The following CSMD2 variants were observed in gnomAD, a reference collection of about 807,000 sequenced individuals.
The protein encoded by CSMD2 is CUB and Sushi multiple domains 2, also known as CUB and sushi domain-containing protein 2.
A neutral mutation model predicts 398.5 loss-of-function variants in CSMD2; 130 were observed. The observed-to-expected ratio is 0.33, with a 90% CI of 0.28 to 0.38. The LOEUF (loss-of-function observed/expected upper bound fraction) is 0.38, where lower values mean the gene tolerates loss of function less well. CSMD2 is among the 10% of genes least tolerant of loss of function. The pLI is 1.00. For synonymous variants in CSMD2, 1,828 were observed against 1,908.5 expected (o/e 0.96, Z 1.10); for missense variants, 3,829 against 4,764.9 (o/e 0.80, Z 5.78).
chr1:33,779,151 G>A (rs972695716), intron 12 of CSMD2, among the ~76,000 whole-genome samples: 1 of 152,092 alleles, frequency 6.6e-6, no homozygotes, highest in Admixed American at 6.5e-5. Context: ...GAAATCCACA[G>A]ACTAAAATCC....
intron 15 of CSMD2, among the ~76,000 whole-genome samples, chr1:33,734,139 G>A (rs1646808401): frequency 6.6e-6 from 1 of 152,132 alleles, no homozygotes; most frequent in South Asian, 2.1e-4. Context: ...ATTTCTTTGT[G>A]GTCATGAGGA....
intron 13 of CSMD2, among the ~76,000 whole-genome samples, chr1:33,757,305 A>T (rs1302845121): frequency 6.6e-6 from 1 of 151,754 alleles, no homozygotes; most frequent in African/African-American, 2.4e-5. Context: ...CTTAAAGTAT[A>T]ATAATAAAAA....
Position 33,626,044 on chromosome 1 carries a change from G to T in CSMD2, c.5296+442C>A, listed in dbSNP as rs867218461. Reference sequence around the variant, plus strand: ...ACAGGCTCTGAGGCCTGGCGTAGCTGGAGCCTAGCTCGAAGGTGGGGAGGT... The same window carrying T: ...ACAGGCTCTGAGGCCTGGCGTAGCTTGAGCCTAGCTCGAAGGTGGGGAGGT... On this transcript the variant is annotated intron_variant, in intron 33 of 70. Coordinates refer to ENST00000373381, the MANE Select transcript of CSMD2 (RefSeq NM_001281956.2). Among the ~76,000 whole-genome samples, 6 of 152,350 alleles carry T rather than the reference G, an allele frequency of 3.9e-5. 1 individual carries two copies. In the Middle Eastern group the frequency reaches 0.014, roughly 345 times the overall value.
chr1:34,032,191 A>G (rs1650536145), intron 3 of CSMD2, among the ~76,000 whole-genome samples: 1 of 152,176 alleles, frequency 6.6e-6, no homozygotes, highest in African/African-American at 2.4e-5. Context: ...CAGTCATTGT[A>G]TGGTGTTTTC....
chr1:33,706,788 G>A (rs987011863), intron 22 of CSMD2, among the ~76,000 whole-genome samples: 7 of 151,524 alleles, frequency 4.6e-5, no homozygotes, highest in South Asian at 4.2e-4. Flanking sequence ...GTGCATGTAC[G>A]TGTGTGTGTG....
intron 44 of CSMD2, 67 bp downstream of exon 44, chr1:33,600,798 C>T (rs895042381): frequency 9.2e-6 from 14 of 1,529,940 alleles, no homozygotes; most frequent in Middle Eastern, 1.7e-4. Flanking sequence ...ATGGTGGAGA[C>T]GGGAGTCAAG....
intron 28 of CSMD2, among the ~76,000 whole-genome samples, chr1:33,651,486 G>A (rs2148965685): frequency 6.6e-6 from 1 of 152,322 alleles, no homozygotes; most frequent in Non-Finnish European, 1.5e-5. Flanking sequence ...CAGCAGAATG[G>A]AGTCTTCCAC....
At chr1:33,521,379 C>G in intron 68 of CSMD2, 84 bp downstream of exon 68, 1 of 941,832 alleles carries the variant, frequency 1.1e-6, no homozygotes, top group Middle Eastern at 2.2e-4. Flanking sequence ...GTTCAACTTC[C>G]CCAGTCCTCT....
At chr1:34,053,139 A>G (rs1653406120) in intron 2 of CSMD2, among the ~76,000 whole-genome samples, 1 of 152,044 alleles carries the variant, frequency 6.6e-6, no homozygotes. Flanking sequence ...ATCCCTTCCC[A>G]CGCCTTCTCT....
intron 3 of CSMD2, among the ~76,000 whole-genome samples, chr1:33,958,855 T>C (rs967111477): frequency 1.3e-5 from 2 of 152,188 alleles, no homozygotes; most frequent in African/African-American, 4.8e-5. Context: ...TTTAAGCTGC[T>C]ATGTGCGTGG....
At chr1:34,016,013 C>G (rs955318118) in intron 3 of CSMD2, among the ~76,000 whole-genome samples, 5 of 149,104 alleles carry the variant, frequency 3.4e-5, no homozygotes, top group East Asian at 2.0e-4. Context: ...ACTCCTTGCT[C>G]TGTGTGTGTG....
intron 55 of CSMD2, among the ~76,000 whole-genome samples, chr1:33,553,580 C>A (rs1431807113): frequency 6.6e-6 from 1 of 152,140 alleles, no homozygotes; most frequent in East Asian, 1.9e-4. Context: ...GTGTCTCTCA[C>A]TTTAAATCAA....
At chr1:34,036,404 A>G (rs1651130215) in intron 2 of CSMD2, among the ~76,000 whole-genome samples, 1 of 152,250 alleles carries the variant, frequency 6.6e-6, no homozygotes, top group Non-Finnish European at 1.5e-5. Context: ...GTAGGGAAAA[A>G]AAGCTAATCT....
intron 25 of CSMD2, among the ~76,000 whole-genome samples, chr1:33,670,053 C>T (rs1284414136): frequency 6.6e-6 from 1 of 152,184 alleles, no homozygotes; most frequent in Non-Finnish European, 1.5e-5. Flanking sequence ...TTAAGCTATT[C>T]AGTTTGTTAC....
intron 6 of CSMD2, among the ~76,000 whole-genome samples, chr1:33,837,327 T>C (rs1660396187): frequency 6.6e-6 from 1 of 152,174 alleles, no homozygotes; most frequent in Non-Finnish European, 1.5e-5. Context: ...AACAAGAAGA[T>C]GAACAACATA....
chr1:33,896,193 T>C (rs1468656040), intron 5 of CSMD2, among the ~76,000 whole-genome samples: 1 of 152,052 alleles, frequency 6.6e-6, no homozygotes, highest in African/African-American at 2.4e-5. Flanking sequence ...CCTAACTTCA[T>C]TATCAGGAAT....
rs530675167 is a variant in CSMD2 at position 34,064,095 on chromosome 1, C to T, written c.404+24882G>A. On this transcript the variant is annotated intron_variant, in intron 2 of 70. Transcript: ENST00000373381. ...ATCCTGGGCCCAGCCCACAAAACCACGTATTCCTCCCGGGCCTCTGGGGCT... is the reference window on the plus strand; with the variant it reads ...ATCCTGGGCCCAGCCCACAAAACCATGTATTCCTCCCGGGCCTCTGGGGCT... Among the ~76,000 whole-genome samples, 95 of 152,336 alleles carry T rather than the reference C, an allele frequency of 6.2e-4. 1 individual carries two copies. The highest frequency in any genetic ancestry group is 9.0e-4 in the Non-Finnish European group (61 of 68,028).
At chr1:33,858,425 G>A (rs183160961) in intron 5 of CSMD2, among the ~76,000 whole-genome samples, 66 of 152,284 alleles carry the variant, frequency 4.3e-4, no homozygotes, top group Non-Finnish European at 8.8e-5. Flanking sequence ...TAGACTACCA[G>A]TAGAGGCTAA....
chr1:34,065,022 G>C (rs1316763266), intron 2 of CSMD2, among the ~76,000 whole-genome samples: 1 of 152,150 alleles, frequency 6.6e-6, no homozygotes, highest in Non-Finnish European at 1.5e-5. Flanking sequence ...CTCCCACCAG[G>C]TTTCTCCCAC....
Sources: allele counts gnomAD v4.1 joint callset (sites outside exome capture counted in the v4.1 genomes callset), GRCh38; gene constraint gnomAD v4.1.1; transcripts MANE v1.5; gene names NCBI Gene and HGNC (gene_info 2026-07-23, HGNC 2026-07-21).